FGF12: variants seen among roughly 807,000 people sequenced by gnomAD.
The protein encoded by FGF12 is fibroblast growth factor 12, also known as fibroblast growth factor 12B.
In FGF12, 14 loss-of-function variants were observed where a neutral mutation model predicts 23.6. The ratio of observed to expected loss-of-function variants is 0.59; its 90% CI spans 0.39 to 0.93. The LOEUF (loss-of-function observed/expected upper bound fraction) is 0.93, where lower values mean the gene tolerates loss of function less well. Ranked by LOEUF, FGF12 falls within the 40% of genes least tolerant of loss-of-function variation. The probability of loss-of-function intolerance (pLI) is 0.00; values close to 1 mark genes in which losing one functional copy is unlikely to be tolerated. For synonymous variants in FGF12, 62 were observed against 77.3 expected (o/e 0.80, Z 1.04); for missense variants, 175 against 217.8 (o/e 0.80, Z 1.24).
At chr3:192,211,692 G>T (rs1717939938) in intron 4 of FGF12, among the ~76,000 whole-genome samples, 1 of 152,112 alleles carries the variant, frequency 6.6e-6, no homozygotes, top group African/African-American at 2.4e-5. Flanking sequence ...CTCCCAAAGT[G>T]CTGGGATTAC....
chr3:192,428,109 G>A (rs185160427), intron 2 of FGF12, among the ~76,000 whole-genome samples: 20 of 152,222 alleles, frequency 1.3e-4, no homozygotes, highest in African/African-American at 4.6e-4. Context: ...CAACTTTCTT[G>A]TGGTCTCCTA....
chr3:192,477,436 G>A (rs1723358338), intron 2 of FGF12, among the ~76,000 whole-genome samples: 1 of 152,120 alleles, frequency 6.6e-6, no homozygotes, highest in African/African-American at 2.4e-5. Flanking sequence ...AAATTCTATT[G>A]CAGTATAGTT....
At chr3:192,373,909 A>G (rs187979411) in intron 2 of FGF12, among the ~76,000 whole-genome samples, 79 of 152,366 alleles carry the variant, frequency 5.2e-4, no homozygotes, top group Non-Finnish European at 9.8e-4. Flanking sequence ...TCAGGATTCA[A>G]TACAGCAAGG....
intron 4 of FGF12, among the ~76,000 whole-genome samples, chr3:192,256,248 T>C (rs545765211): frequency 6.6e-6 from 1 of 152,154 alleles, no homozygotes; most frequent in Admixed American, 6.5e-5. Context: ...TGTTAAATAA[T>C]AGAAACTTTC....
At chr3:192,695,402 T>A (rs1450080270) in intron 2 of FGF12, among the ~76,000 whole-genome samples, 3 of 152,150 alleles carry the variant, frequency 2.0e-5, no homozygotes, top group Admixed American at 2.0e-4. Flanking sequence ...GGGAGAAATG[T>A]CCCTTTGTGT....
At chr3:192,331,318 A>G (rs1467857420) in intron 4 of FGF12, among the ~76,000 whole-genome samples, 1 of 122,912 alleles carries the variant, frequency 8.1e-6, no homozygotes, top group African/African-American at 4.1e-5. Flanking sequence ...TCTCAAAAAA[A>G]AAAAAAAAAA....
intron 2 of FGF12, among the ~76,000 whole-genome samples, chr3:192,437,516 C>T (rs969974452): frequency 2.0e-5 from 3 of 152,018 alleles, no homozygotes; most frequent in Admixed American, 6.6e-5. Flanking sequence ...GATGGTGAAA[C>T]CCCATCTCTA....
chr3:192,712,390 G>A (rs1349063723), intron 2 of FGF12, among the ~76,000 whole-genome samples: 1 of 151,692 alleles, frequency 6.6e-6, no homozygotes, highest in East Asian at 1.9e-4. Flanking sequence ...TTAAAGAAGA[G>A]TTTCCACAGT....
chr3:192,220,715 C>T (rs1718424700), intron 4 of FGF12, among the ~76,000 whole-genome samples: 1 of 152,098 alleles, frequency 6.6e-6, no homozygotes, highest in South Asian at 2.1e-4. Flanking sequence ...AAGAACTGTG[C>T]TAAGCTCTAT....
At chr3:192,548,101 T>G (rs892893021) in intron 2 of FGF12, among the ~76,000 whole-genome samples, 1 of 152,142 alleles carries the variant, frequency 6.6e-6, no homozygotes, top group Non-Finnish European at 1.5e-5. Flanking sequence ...GAGTAAATAC[T>G]TCTAAGTAAA....
intron 2 of FGF12, among the ~76,000 whole-genome samples, chr3:192,470,616 T>G (rs973048080): frequency 3.3e-5 from 5 of 152,032 alleles, no homozygotes; most frequent in Non-Finnish European, 7.4e-5. Flanking sequence ...CTCGAACTCC[T>G]GACCTCAAGT....
intron 2 of FGF12, among the ~76,000 whole-genome samples, chr3:192,688,583 C>A (rs991213862): frequency 6.6e-6 from 1 of 152,104 alleles, no homozygotes; most frequent in African/African-American, 2.4e-5. Flanking sequence ...TATGCCCAAT[C>A]CTGTCTGATC....
chr3:192,459,763 A>G (rs1305326083), intron 2 of FGF12, among the ~76,000 whole-genome samples: 3 of 152,166 alleles, frequency 2.0e-5, no homozygotes, highest in Non-Finnish European at 2.9e-5. Context: ...AAAATATGGC[A>G]TTGCTTATAC....
chr3:192,476,577 G>GT (rs1466048576), intron 2 of FGF12, among the ~76,000 whole-genome samples: 16 of 152,174 alleles, frequency 1.1e-4, no homozygotes, highest in African/African-American at 3.9e-4. Context: ...AATCCCCACT[G>GT]TGACTTTTCA....
intron 5 of FGF12, among the ~76,000 whole-genome samples, chr3:192,165,219 T>A (rs1162758972): frequency 6.6e-6 from 1 of 152,054 alleles, no homozygotes; most frequent in Non-Finnish European, 1.5e-5. Context: ...CTTCCCAAAT[T>A]GCTGGGAATA....
At chr3:192,655,470 G>A (rs2108679496) in intron 2 of FGF12, among the ~76,000 whole-genome samples, 1 of 152,240 alleles carries the variant, frequency 6.6e-6, no homozygotes, top group African/African-American at 2.4e-5. Context: ...TAGGAACGCA[G>A]AATAGAAGGA....
chr3:192,625,574 C>T (rs1449301614), intron 2 of FGF12, among the ~76,000 whole-genome samples: 2 of 152,060 alleles, frequency 1.3e-5, no homozygotes, highest in African/African-American at 2.4e-5. Flanking sequence ...GTGTCAAACA[C>T]TAATGCTTTT....
chr3:192,446,747 C>T (rs1221547391), intron 2 of FGF12, among the ~76,000 whole-genome samples: 2 of 152,154 alleles, frequency 1.3e-5, no homozygotes, highest in Non-Finnish European at 2.9e-5. Flanking sequence ...CCTCACAACT[C>T]GCATCCAAGG....
chr3:192,652,808 A>C lies in FGF12; in HGVS notation c.13+74373T>G, dbSNP rs558615343. 2.8e-4 allele frequency among the ~76,000 whole-genome samples: 42 copies of C among 152,340 alleles called. No homozygotes were observed. The South Asian group carries it at 5.6e-3, about 20-fold the overall frequency. The stretch of plus-strand genomic sequence containing the variant: ...CCTTATACCAAAAAACGTCAGTTCT[A>C]ACCCAGAATTACCAACACACTCCTG... On this transcript the variant is annotated intron_variant, in intron 2 of 5. Transcript: ENST00000445105.
Sources: gnomAD v4.1 joint callset for allele counts (sites outside exome capture counted in the v4.1 genomes callset) on GRCh38, gnomAD v4.1.1 for gene constraint, MANE v1.5 for transcripts, NCBI Gene and HGNC (gene_info 2026-07-23, HGNC 2026-07-21) for gene names.